The following DOK6 variants were observed in gnomAD, a reference collection of about 807,000 sequenced individuals.
DOK6 encodes the protein downstream of tyrosine kinase 6.
DOK6 carries 22 observed loss-of-function variants against 44.0 expected under a neutral mutation model. That is an observed-to-expected ratio of 0.50 (90% CI 0.36 to 0.71). DOK6 has a LOEUF of 0.71. Among genes scored for constraint, DOK6 ranks in the 30% least tolerant of loss-of-function variants. The pLI is 0.00. For missense variants in DOK6, 340 were observed against 416.4 expected, an observed-to-expected ratio of 0.82 and a Z score of 1.60; for synonymous variants, 166 against 145.5, an observed-to-expected ratio of 1.14 and a Z score of -1.01.
chr18:69,436,927 T>C (rs1204081092), intron 1 of DOK6, among the ~76,000 whole-genome samples: 1 of 152,258 alleles, frequency 6.6e-6, no homozygotes, highest in Non-Finnish European at 1.5e-5. Flanking sequence ...TGAGCTTTTT[T>C]TCTATGTTTG....
intron 7 of DOK6, among the ~76,000 whole-genome samples, chr18:69,839,370 A>C (rs1982147508): frequency 9.5e-6 from 1 of 105,450 alleles, no homozygotes. Context: ...CTATCCCATG[A>C]CTCCTTCCCT....
chr18:69,777,023 A>G (rs577735626), intron 7 of DOK6, among the ~76,000 whole-genome samples: 12 of 149,908 alleles, frequency 8.0e-5, no homozygotes, highest in Admixed American at 5.3e-4. Context: ...GGATAGCATT[A>G]GGAGGTATAC....
At chr18:69,545,804 T>A (rs539555696) in intron 1 of DOK6, among the ~76,000 whole-genome samples, 2 of 151,590 alleles carry the variant, frequency 1.3e-5, no homozygotes, top group African/African-American at 4.8e-5. Flanking sequence ...CATTTTGGAT[T>A]ATATAATTGC....
intron 3 of DOK6, among the ~76,000 whole-genome samples, chr18:69,617,684 A>C (rs981885570): frequency 7.0e-6 from 1 of 142,106 alleles, no homozygotes; most frequent in Non-Finnish European, 1.6e-5. Context: ...GAAGAAAAAG[A>C]AAGAAAGAAA....
intron 3 of DOK6, among the ~76,000 whole-genome samples, chr18:69,625,272 AAC>A (rs1475540147): frequency 6.6e-6 from 1 of 152,174 alleles, no homozygotes; most frequent in Admixed American, 6.5e-5. Context: ...TTCATGAGTT[AAC>A]ACCCTAAGAG....
At chr18:69,501,784 G>A (rs1441218487) in intron 1 of DOK6, among the ~76,000 whole-genome samples, 1 of 151,702 alleles carries the variant, frequency 6.6e-6, no homozygotes, top group East Asian at 1.9e-4. Context: ...TGAGACACAG[G>A]GATGATTTAT....
At chr18:69,559,567 C>T (rs910320629) in intron 1 of DOK6, among the ~76,000 whole-genome samples, 13 of 152,094 alleles carry the variant, frequency 8.5e-5, no homozygotes, top group Admixed American at 5.9e-4. Context: ...CTGTTTTTTA[C>T]TTCCCCAATA....
intron 1 of DOK6, among the ~76,000 whole-genome samples, chr18:69,540,912 C>T (rs939664448): frequency 6.6e-6 from 1 of 152,150 alleles, no homozygotes; most frequent in Admixed American, 6.6e-5. Context: ...CCACACAAAT[C>T]ATAGTTCTGT....
At chr18:69,426,485 A>C (rs1292551899) in intron 1 of DOK6, among the ~76,000 whole-genome samples, 5 of 152,194 alleles carry the variant, frequency 3.3e-5, no homozygotes, top group African/African-American at 1.2e-4. Context: ...GGGTAAACTC[A>C]GATCACCTAT....
intron 3 of DOK6, among the ~76,000 whole-genome samples, chr18:69,612,412 C>A (rs769475310): frequency 2.0e-5 from 3 of 146,512 alleles, no homozygotes; most frequent in Non-Finnish European, 3.1e-5. Flanking sequence ...TGTGCGAGGG[C>A]GCATGTGTGC....
intron 1 of DOK6, among the ~76,000 whole-genome samples, chr18:69,416,113 G>A (rs1416422823): frequency 1.1e-4 from 17 of 148,638 alleles, no homozygotes; most frequent in Non-Finnish European, 4.5e-5. Flanking sequence ...AGAGAGGGAT[G>A]GAGGGAGGGA....
chr18:69,561,354 T>C (rs1982827987), intron 1 of DOK6, among the ~76,000 whole-genome samples: 3 of 152,316 alleles, frequency 2.0e-5, no homozygotes, highest in Admixed American at 2.0e-4. Flanking sequence ...CTGTTACCAC[T>C]TGAAATGTAA....
At chr18:69,839,260 C>T (rs1219020611) in intron 7 of DOK6, among the ~76,000 whole-genome samples, 3 of 151,188 alleles carry the variant, frequency 2.0e-5, no homozygotes, top group African/African-American at 7.3e-5. Context: ...CTAGTCTCTC[C>T]CTAACCCCTC....
intron 5 of DOK6, among the ~76,000 whole-genome samples, chr18:69,705,723 T>TG (rs759410501): frequency 1.3e-5 from 2 of 152,212 alleles, no homozygotes; most frequent in African/African-American, 2.4e-5. Flanking sequence ...TACAAGGTTT[T>TG]GAATTTTTCA....
chr18:69,742,715 A>G (rs1978847524), intron 6 of DOK6, among the ~76,000 whole-genome samples: 1 of 152,268 alleles, frequency 6.6e-6, no homozygotes, highest in Admixed American at 6.5e-5. Context: ...CTTCTCAAGT[A>G]GCCCAGAATT....
chr18:69,765,005 CAGA>C (rs755805106), intron 7 of DOK6, among the ~76,000 whole-genome samples: 11 of 152,132 alleles, frequency 7.2e-5, no homozygotes, highest in Non-Finnish European at 1.5e-4. Context: ...TTCATTTTCT[CAGA>C]AGGACAGGAT....
At chr18:69,784,760 T>C (rs984111451) in intron 7 of DOK6, among the ~76,000 whole-genome samples, 1 of 152,202 alleles carries the variant, frequency 6.6e-6, no homozygotes, top group Non-Finnish European at 1.5e-5. Flanking sequence ...TGTTTTTATA[T>C]AAGATTTTCA....
intron 3 of DOK6, among the ~76,000 whole-genome samples, chr18:69,648,105 T>TTCAAA (rs1169893471): frequency 6.6e-6 from 1 of 152,194 alleles, no homozygotes; most frequent in African/African-American, 2.4e-5. Context: ...GAAAAATACT[T>TTCAAA]TCAAATTTTA....
At chr18:69,448,685 T>C (rs561680493) in intron 1 of DOK6, among the ~76,000 whole-genome samples, 12 of 152,338 alleles carry the variant, frequency 7.9e-5, no homozygotes, top group African/African-American at 2.9e-4. Flanking sequence ...AAATTGATTC[T>C]TAATAGTTGA....
Sources: allele counts gnomAD v4.1 joint callset (sites outside exome capture counted in the v4.1 genomes callset), GRCh38; gene constraint gnomAD v4.1.1; transcripts MANE v1.5; gene names NCBI Gene and HGNC (gene_info 2026-07-23, HGNC 2026-07-21).